Variants in RASSF9 observed in about 807,000 individuals in gnomAD.
RASSF9 encodes Ras association domain family member 9, also known as ras association domain-containing protein 9.
RASSF9 carries 18 observed loss-of-function variants against 21.4 expected under a neutral mutation model. The ratio of observed to expected loss-of-function variants is 0.84; its 90% CI spans 0.58 to 1.25. The LOEUF (loss-of-function observed/expected upper bound fraction) is 1.25. RASSF9 is among the 50% of genes most tolerant of loss of function. The probability of loss-of-function intolerance (pLI) is 0.00; values close to 1 mark genes in which losing one functional copy is unlikely to be tolerated. For missense variants in RASSF9, 480 were observed against 503.2 expected, an observed-to-expected ratio of 0.95 and a Z score of 0.44; for synonymous variants, 183 against 179.1, an observed-to-expected ratio of 1.02 and a Z score of -0.18.
chr12:85,833,168 T>C (rs1192915852), intron 1 of RASSF9, among the ~76,000 whole-genome samples: 1 of 151,938 alleles, frequency 6.6e-6, no homozygotes, highest in African/African-American at 2.4e-5. Flanking sequence ...TCCATCTCTT[T>C]AGGTTTTGAA....
At chr12:85,829,077 G>T (rs1189346880) in intron 1 of RASSF9, among the ~76,000 whole-genome samples, 9 of 152,230 alleles carry the variant, frequency 5.9e-5, no homozygotes, top group Non-Finnish European at 1.3e-4. Flanking sequence ...TAATTTCAGG[G>T]ATTCCAGTGG....
rs1880529242 is a variant in RASSF9 at position 85,835,016 on chromosome 12, G to A, written c.47+1139C>T. On this transcript the variant is annotated intron_variant, in intron 1 of 1. Transcript: ENST00000361228. Reference sequence around the variant, plus strand: ...TTATTAAGGCCATTTACTTTCTAAAGGAAATTTTGTCACCTAAATCATGAA... The same window carrying A: ...TTATTAAGGCCATTTACTTTCTAAAAGAAATTTTGTCACCTAAATCATGAA... Among the ~76,000 whole-genome samples, 4 of 151,990 alleles carry A rather than the reference G, an allele frequency of 2.6e-5. No homozygotes were observed. The South Asian group carries it at 8.3e-4, about 31-fold the overall frequency.
chr12:85,821,102 C>G (rs1392303460), intron 1 of RASSF9, among the ~76,000 whole-genome samples: 1 of 152,044 alleles, frequency 6.6e-6, no homozygotes, highest in East Asian at 1.9e-4. Flanking sequence ...CAAGATGGCG[C>G]CACTGCACTC....
In RASSF9 at chr12:85,804,016, T is replaced by C. The variant is rs1879758017; in HGVS notation, c.*686A>G. The C allele has an allele frequency of 6.6e-6, 1 of 152,222 alleles. No individual in the cohort carries two copies. The highest frequency in any genetic ancestry group is 6.5e-5 in the Admixed American group (1 of 15,284). 9.4% of individuals were successfully genotyped at this position (152,222 alleles called of 1,614,324 possible). Reference sequence around the variant, plus strand: ...TTGCCAGATAGCAAACATCCACACATAGCTCTTAATAAATTGAGGCTTCTT... The same window carrying C: ...TTGCCAGATAGCAAACATCCACACACAGCTCTTAATAAATTGAGGCTTCTT... On this transcript the variant is annotated 3_prime_UTR_variant, in exon 2 of 2. Transcript: ENST00000361228.
chr12:85,836,281 G>A lies in RASSF9; in HGVS notation c.-80C>T, dbSNP rs1880562827. The A allele has an allele frequency of 6.5e-7, 1 of 1,534,594 alleles. No individual in the cohort carries two copies. On this transcript the variant is annotated 5_prime_UTR_variant, in exon 1 of 2. Coordinates refer to ENST00000361228, the MANE Select transcript of RASSF9 (RefSeq NM_005447.4). ...GTGGGGGTGTCTGGATTTCCAGGGT[G>A]AAGGGAGGAGGGCTGGAAGCTTTCT...
At chr12:85,818,161 GATA>G (rs1490422679) in intron 1 of RASSF9, among the ~76,000 whole-genome samples, 3 of 152,164 alleles carry the variant, frequency 2.0e-5, no homozygotes, top group Non-Finnish European at 2.9e-5. Flanking sequence ...AGATACATTG[GATA>G]ATAATAACTC....
chr12:85,827,240 C>A (rs1880353366), intron 1 of RASSF9, among the ~76,000 whole-genome samples: 1 of 152,152 alleles, frequency 6.6e-6, no homozygotes, highest in South Asian at 2.1e-4. Context: ...TCAGAATCAT[C>A]CCTGTTAAAA....
At chr12:85,811,475 G>C (rs1376231876) in intron 1 of RASSF9, among the ~76,000 whole-genome samples, 3 of 151,810 alleles carry the variant, frequency 2.0e-5, no homozygotes, top group African/African-American at 7.2e-5. Context: ...CCTGGATTAT[G>C]GGATTCCAAA....
chr12:85,808,714 T>C (rs956838922), intron 1 of RASSF9, among the ~76,000 whole-genome samples: 2 of 133,780 alleles, frequency 1.5e-5, no homozygotes, highest in African/African-American at 5.2e-5. Context: ...TTGTACCACA[T>C]AGAGTTAATT....
rs200912923 is a variant in RASSF9, at chr12:85,805,282, A to G, written c.728T>C (p.Val243Ala). 3.1e-6 allele frequency: 5 copies of G among 1,613,514 alleles called. No homozygotes were observed. Among genetic ancestry groups the G allele is most frequent in the Admixed American group, 1.7e-5 (1 of 60,018 alleles). ...DAYLMPSFSE[V>A]EQNLDLQYEE... ...ATACTGCAAGTCTAGATTTTGCTCAACTTCACTGAAACTGGGCATTAAATA... is the reference window on the plus strand; with the variant it reads ...ATACTGCAAGTCTAGATTTTGCTCAGCTTCACTGAAACTGGGCATTAAATA... The change falls in exon 2 of 2, where the codon GTT (valine) becomes GCT (alanine). Residue 243 changes from valine (V) to alanine (A), a missense_variant. By Grantham distance (64) the Val-to-Ala change is moderately conservative (BLOSUM62 0). Transcript: ENST00000361228.
chr12:85,814,027 G>A (rs1038907655), intron 1 of RASSF9, among the ~76,000 whole-genome samples: 8 of 151,920 alleles, frequency 5.3e-5, no homozygotes, highest in South Asian at 2.1e-4. Context: ...ACAAGACTTC[G>A]TGCTTGAAAA....
In RASSF9 at chr12:85,805,060, C is replaced by T; in HGVS notation, c.950G>A (p.Ser317Asn). The change falls in exon 2 of 2, where the codon AGT (serine) becomes AAT (asparagine). Residue 317 changes from serine (S) to asparagine (N), a missense_variant. Physicochemically the swap from Ser to Asn is conservative, Grantham distance 46 (BLOSUM62 1). Coordinates refer to ENST00000361228, the MANE Select transcript of RASSF9 (RefSeq NM_005447.4). ...GCTTTTCTCCAAATCACACTTAACA[C>T]TCTCTAAATTAGAGCTTTCCAGTTC... ...ASELESSNLE[S>N]VKCDLEKSMK... 7 of 1,614,012 alleles carry T rather than the reference C, an allele frequency of 4.3e-6. No homozygotes were observed. The highest frequency in any genetic ancestry group is 5.9e-6 in the Non-Finnish European group (7 of 1,179,898).
In RASSF9 at chr12:85,805,695, A is replaced by C; in HGVS notation, c.315T>G (p.Asp105Glu). ...AAACAAATTGCATATTGGGCTGCTCATCTCCCCACGCTTTCCAAAGCTTCA... is the reference window on the plus strand; with the variant it reads ...AAACAAATTGCATATTGGGCTGCTCCTCTCCCCACGCTTTCCAAAGCTTCA... ...RILKLWKAWGDEQPNMQFVLV... is the reference protein window; with the variant it reads ...RILKLWKAWGEEQPNMQFVLV... The change falls in exon 2 of 2, where the codon GAT becomes GAG. Residue 105 changes from aspartate to glutamate, a missense_variant. Asp to Glu is a conservative substitution (Grantham distance 45, BLOSUM62 2). Coordinates refer to ENST00000361228, the MANE Select transcript of RASSF9 (RefSeq NM_005447.4). 1 of 1,614,014 alleles carries C rather than the reference A, an allele frequency of 6.2e-7. No individual in the cohort carries two copies. Among genetic ancestry groups the C allele is most frequent in the Non-Finnish European group, 8.5e-7 (1 of 1,179,898 alleles).
At position 85,801,959 on chromosome 12, in the gene RASSF9, A is replaced by G. The variant is rs1879715211; in HGVS notation, c.*2743T>C. On this transcript the variant is annotated 3_prime_UTR_variant, in exon 2 of 2. Coordinates refer to ENST00000361228, the MANE Select transcript of RASSF9 (RefSeq NM_005447.4). The stretch of plus-strand genomic sequence containing the variant: ...TCAGAGATGAGATTCCAACTAATTG[A>G]ATGGAACAAACGTATATCATAGAAG... 1 of 152,292 alleles carries G rather than the reference A, an allele frequency of 6.6e-6. No homozygotes were observed. The highest frequency in any genetic ancestry group is 2.4e-5 in the African/African-American group (1 of 41,478). The allele number at this position is 152,292 out of a possible 1,614,324, so 9.4% of individuals were successfully genotyped here. A position where few individuals can be genotyped will look rare whatever the true frequency, so the allele number is the denominator to read the frequency against.
chr12:85,830,451 T>C (rs1475597771), intron 1 of RASSF9, among the ~76,000 whole-genome samples: 2 of 152,142 alleles, frequency 1.3e-5, no homozygotes, highest in Non-Finnish European at 2.9e-5. Flanking sequence ...TAAGAGTATA[T>C]GTTGAATTTC....
chr12:85,834,885 T>G (rs763337394), intron 1 of RASSF9, among the ~76,000 whole-genome samples: 1 of 152,110 alleles, frequency 6.6e-6, no homozygotes, highest in African/African-American at 2.4e-5. Context: ...CTCAAACCAC[T>G]TTATTTTAAT....
At chr12:85,819,842 T>C (rs1441964976) in intron 1 of RASSF9, among the ~76,000 whole-genome samples, 1 of 152,230 alleles carries the variant, frequency 6.6e-6, no homozygotes, top group Non-Finnish European at 1.5e-5. Context: ...AAGTTCATAT[T>C]TGTAAATAAT....
intron 1 of RASSF9, among the ~76,000 whole-genome samples, chr12:85,820,051 C>T (rs1351603819): frequency 6.6e-6 from 1 of 152,176 alleles, no homozygotes; most frequent in Non-Finnish European, 1.5e-5. Context: ...ACAGTGTTGG[C>T]AAACTATAGC....
At chr12:85,825,362 G>T (rs1250179595) in intron 1 of RASSF9, among the ~76,000 whole-genome samples, 1 of 152,114 alleles carries the variant, frequency 6.6e-6, no homozygotes, top group African/African-American at 2.4e-5. Flanking sequence ...TGGGAGTGGG[G>T]TAGAGATGAG....
Sources: gnomAD v4.1 joint callset for allele counts (sites outside exome capture counted in the v4.1 genomes callset) on GRCh38, gnomAD v4.1.1 for gene constraint, MANE v1.5 for transcripts, NCBI Gene and HGNC (gene_info 2026-07-23, HGNC 2026-07-21) for gene names.